The following HSF1 variants were observed in gnomAD, a reference collection of about 807,000 sequenced individuals.
HSF1 encodes the protein heat shock factor protein 1.
Under a neutral mutation model 51.7 loss-of-function variants are expected in HSF1, and 32 were observed. The observed-to-expected ratio is 0.62, with a 90% confidence interval of 0.47 to 0.83. HSF1 has a LOEUF of 0.83. Ranked by LOEUF, HSF1 falls within the 40% of genes least tolerant of loss-of-function variation. The pLI, the probability that HSF1 is intolerant of heterozygous loss-of-function variation, is 0.00. For missense variants in HSF1, 727 were observed against 717.0 expected (o/e 1.01, Z -0.16); for synonymous variants, 396 against 309.7 (o/e 1.28, Z -2.92).
Position 144,314,034 on chromosome 8 carries a change from A to T in HSF1, c.1364A>T (p.Glu455Val), listed in dbSNP as rs1554845970. The change falls in exon 12 of 13, where the codon GAG (glutamate) becomes GTG (valine). Residue 455 changes from glutamate (E) to valine (V), a missense_variant. Glu to Val is a moderately radical substitution (Grantham distance 121, BLOSUM62 -2). Transcript: ENST00000528838. ...GAGCCCCCCAGGCCTCCCGAGGCAG[A>T]GAACAGCAGCCCGGATTCAGGTGAG... ...PQEPPRPPEA[E>V]NSSPDSGKQL... 6.2e-7 allele frequency: 1 copy of T among 1,609,460 alleles called. No homozygotes were observed. Among genetic ancestry groups the T allele is most frequent in the South Asian group, 1.1e-5 (1 of 90,862 alleles).
At chr8:144,313,243 C>A in intron 9 of HSF1, 1 of 498,068 alleles carries the variant, frequency 2.0e-6, no homozygotes, top group Non-Finnish European at 3.6e-6. Context: ...CTGAATACGC[C>A]CCTTGTCTCC....
chr8:144,300,344 G>A (rs1588634534), intron 1 of HSF1, among the ~76,000 whole-genome samples: 1 of 147,236 alleles, frequency 6.8e-6, no homozygotes, highest in Non-Finnish European at 1.5e-5. Flanking sequence ...AGCCTCCCAC[G>A]AAGCTGGGAC....
chr8:144,298,332 C>T (rs371900020), intron 1 of HSF1, among the ~76,000 whole-genome samples: 17 of 152,064 alleles, frequency 1.1e-4, no homozygotes, highest in African/African-American at 3.6e-4. Context: ...CACGGTGGCT[C>T]ACGGCTGTAA....
At chr8:144,312,884 G>T (rs1203108547) in intron 9 of HSF1, 2 of 623,762 alleles carry the variant, frequency 3.2e-6, no homozygotes, top group African/African-American at 3.7e-5. Flanking sequence ...CTGGCCACGG[G>T]CCTGTGGTCA....
chr8:144,305,763 C>T (rs181044417), intron 1 of HSF1, among the ~76,000 whole-genome samples: 1,727 of 108,114 alleles, frequency 0.016, 20 homozygotes, highest in Non-Finnish European at 0.023. Context: ...GACGGAGTCT[C>T]ACTCTGTAGC....
intron 1 of HSF1, among the ~76,000 whole-genome samples, chr8:144,293,966 T>C (rs1302738888): frequency 1.3e-5 from 2 of 151,872 alleles, no homozygotes; most frequent in Non-Finnish European, 2.9e-5. Context: ...GCAGGGCTTT[T>C]GAGCAAGGAA....
At position 144,311,988 on chromosome 8, in the gene HSF1, C is replaced by A; in HGVS notation, c.886C>A (p.Arg296Ser). 6.3e-7 allele frequency: 1 copy of A among 1,591,972 alleles called. No homozygotes were observed. The highest frequency in any genetic ancestry group is 8.6e-7 in the Non-Finnish European group (1 of 1,169,552). ...GCCCCTATCCAGCAGCCCCCTGGTGCGTGTCAAGGAGGAGCCCCCCAGCCC... is the reference window on the plus strand; with the variant it reads ...GCCCCTATCCAGCAGCCCCCTGGTGAGTGTCAAGGAGGAGCCCCCCAGCCC... ...ERPLSSSPLV[R>S]VKEEPPSPPQ... The change falls in exon 9 of 13, where the codon CGT (arginine) becomes AGT (serine). Residue 296 changes from arginine (R) to serine (S), a missense_variant. This residue lies in a region of HSF1 where 470 missense variants were observed against 398.8 expected (regional missense o/e 1.18). Coordinates refer to ENST00000528838, the MANE Select transcript of HSF1 (RefSeq NM_005526.4).
In HSF1 at chr8:144,311,954, C is replaced by G; in HGVS notation, c.861-9C>G. The G allele has an allele frequency of 6.3e-7, 1 of 1,579,378 alleles. No homozygotes were observed. Among genetic ancestry groups the G allele is most frequent in the Non-Finnish European group, 8.6e-7 (1 of 1,163,062 alleles). ...AGACGCCAGCTCACCTGGCCCCCCT[C>G]GTGTGCAGGCCCCTATCCAGCAGCC... On this transcript the variant is annotated splice_polypyrimidine_tract_variant and intron_variant, in intron 8 of 12. Transcript: ENST00000528838.
At chr8:144,307,271 G>T (rs1043838332) in intron 1 of HSF1, among the ~76,000 whole-genome samples, 6 of 152,224 alleles carry the variant, frequency 3.9e-5, no homozygotes, top group African/African-American at 1.4e-4. Flanking sequence ...TCAAATCAGA[G>T]ACAGCCTTGG....
chr8:144,314,021 C>T lies in HSF1; in HGVS notation c.1351C>T (p.Pro451Ser). The change falls in exon 12 of 13, where the codon CCT becomes TCT. Residue 451 changes from proline to serine, a missense_variant. By Grantham distance (74) the Pro-to-Ser change is moderately conservative (BLOSUM62 -1). Coordinates refer to ENST00000528838, the MANE Select transcript of HSF1 (RefSeq NM_005526.4). ...CCTGTCTCCCCAGGAGCCCCCCAGG[C>T]CTCCCGAGGCAGAGAACAGCAGCCC... ...ELLSPQEPPRPPEAENSSPDS... is the reference protein window; with the variant it reads ...ELLSPQEPPRSPEAENSSPDS... The T allele has an allele frequency of 1.2e-6, 2 of 1,609,590 alleles. No individual in the cohort carries two copies. Among genetic ancestry groups the T allele is most frequent in the Non-Finnish European group, 1.7e-6 (2 of 1,179,098 alleles).
chr8:144,308,301 C>T (rs1184279534), intron 1 of HSF1, among the ~76,000 whole-genome samples: 2 of 152,244 alleles, frequency 1.3e-5, no homozygotes. Context: ...CCCTCACCAG[C>T]GCCTCCTGAT....
In HSF1 at chr8:144,305,932, AT is replaced by A. The variant is rs201382822; in HGVS notation, c.118-2973del. 8.3e-3 allele frequency among the ~76,000 whole-genome samples: 1,256 copies of A among 151,220 alleles called. 10 individuals carry two copies. The highest frequency in any genetic ancestry group is 0.025 in the African/African-American group (1,010 of 41,096). Reference sequence around the variant, plus strand: ...TTTTTAGTAGAGACGGGGTTTCTCCATGTTGGTCAGGTTGGTCTCCAACTCC... The same window carrying A: ...TTTTTAGTAGAGACGGGGTTTCTCCAGTTGGTCAGGTTGGTCTCCAACTCC... On this transcript the variant is annotated intron_variant, in intron 1 of 12. Transcript: ENST00000528838.
In HSF1 at chr8:144,291,650, C is replaced by T. The variant is rs1432946533; in HGVS notation, c.-108C>T. ...ATGCTGGGCCCCGGGGCTGTGTGTG[C>T]GCAGCGGGCGGCGGCGCGGCCCGGA... is the stretch of plus-strand genomic sequence containing the variant. On this transcript the variant is annotated 5_prime_UTR_variant, in exon 1 of 13. Coordinates refer to ENST00000528838, the MANE Select transcript of HSF1 (RefSeq NM_005526.4). This position sits in a 1 kb window ranked among gnomAD's most constrained non-coding sequence, Gnocchi z 4.1. The T allele has an allele frequency of 2.0e-5, 12 of 600,616 alleles. No individual in the cohort carries two copies. The highest frequency in any genetic ancestry group is 4.0e-5 in the African/African-American group (2 of 49,538). 37.2% of individuals were successfully genotyped at this position (600,616 alleles called of 1,614,324 possible).
Position 144,313,941 on chromosome 8 carries a change from A to T in HSF1, c.1314+30A>T, listed in dbSNP as rs782063073. ...GTAGGCGGGCGGGGGGTGAGGGGGA[A>T]CGAGACCAGCGGGAGTGCTCACAAT... is the stretch of plus-strand genomic sequence containing the variant. On this transcript the variant is annotated intron_variant, in intron 11 of 12. Transcript: ENST00000528838. The T allele has an allele frequency of 1.9e-6, 3 of 1,610,008 alleles. No homozygotes were observed. In the African/African-American group the frequency reaches 4.1e-5, roughly 22 times the overall value.
chr8:144,296,404 A>G (rs1554841291), intron 1 of HSF1, among the ~76,000 whole-genome samples: 2 of 152,192 alleles, frequency 1.3e-5, no homozygotes, highest in African/African-American at 4.8e-5. Flanking sequence ...TTGGCCCAAG[A>G]TGCTGGAGGC....
Position 144,291,766 on chromosome 8 carries a change from G to T in HSF1, c.9G>T (p.Leu3=), listed in dbSNP as rs1815101148. The T allele has an allele frequency of 6.6e-7, 1 of 1,520,554 alleles. No individual in the cohort carries two copies. The highest frequency in any genetic ancestry group is 1.2e-5 in the South Asian group (1 of 82,016). 94.2% of individuals were successfully genotyped at this position (1,520,554 alleles called of 1,614,324 possible). Residue 3 remains leucine, a synonymous_variant, in exon 1 of 13, where the codon CTG becomes CTT. Coordinates refer to ENST00000528838, the MANE Select transcript of HSF1 (RefSeq NM_005526.4). The surrounding 1 kb of genome is among the most constrained non-coding windows in gnomAD (Gnocchi z 4.1). MD[L]PVGPGAAGPS... ...TTCCCTCCTTGCTCGAGATGGATCT[G>T]CCCGTGGGCCCCGGCGCGGCGGGGC...
In HSF1 at chr8:144,310,048, C is replaced by A. The variant is rs1446004380; in HGVS notation, c.488+152C>A. 1.3e-5 allele frequency: 12 copies of A among 934,532 alleles called. No homozygotes were observed. The African/African-American group carries it at 1.7e-4, about 13-fold the overall frequency. 57.9% of individuals were successfully genotyped at this position (934,532 alleles called of 1,614,324 possible). A position where few individuals can be genotyped will look rare whatever the true frequency, so the allele number is the denominator to read the frequency against. ...TCTACCCTGGGCCTCTGCCCCAGCCCCGCCGCCCGTGGCTGCTGCAACAGC... is the reference window on the plus strand; with the variant it reads ...TCTACCCTGGGCCTCTGCCCCAGCCACGCCGCCCGTGGCTGCTGCAACAGC... On this transcript the variant is annotated intron_variant, in intron 4 of 12. Transcript: ENST00000528838.
intron 1 of HSF1, among the ~76,000 whole-genome samples, chr8:144,294,688 C>T (rs1033093728): frequency 2.0e-5 from 3 of 152,232 alleles, no homozygotes; most frequent in African/African-American, 4.8e-5. Context: ...GGCAGAATGC[C>T]GGGTCACTGC....
intron 1 of HSF1, among the ~76,000 whole-genome samples, chr8:144,298,360 G>A (rs1345130966): frequency 6.6e-6 from 1 of 152,066 alleles, no homozygotes; most frequent in African/African-American, 2.4e-5. Flanking sequence ...ACTTCGGGAG[G>A]CTGAGGCGGT....
Sources: gnomAD v4.1 joint callset for allele counts (sites outside exome capture counted in the v4.1 genomes callset) on GRCh38, gnomAD v4.1.1 for gene constraint, gnomAD v4.1.1 regional missense constraint, Gnocchi (gnomAD v3.1) non-coding constraint, MANE v1.5 for transcripts, NCBI Gene and HGNC (gene_info 2026-07-23, HGNC 2026-07-21) for gene names.